ANKS1B: variants seen among roughly 807,000 people sequenced by gnomAD.
The protein encoded by ANKS1B is ankyrin repeat and sterile alpha motif domain containing 1B.
A neutral mutation model predicts 148.3 loss-of-function variants in ANKS1B; 36 were observed. The ratio of observed to expected loss-of-function variants is 0.24; its 90% CI spans 0.19 to 0.32. ANKS1B has a LOEUF of 0.32. ANKS1B is among the 10% of genes least tolerant of loss of function. ANKS1B has a pLI of 1.00. For synonymous variants in ANKS1B, 542 were observed against 560.8 expected (o/e 0.97, Z 0.47); for missense variants, 1,157 against 1,542.6 (o/e 0.75, Z 4.19).
chr12:99,381,015 G>A (rs894840014), intron 12 of ANKS1B, among the ~76,000 whole-genome samples: 2 of 152,146 alleles, frequency 1.3e-5, no homozygotes, highest in Admixed American at 1.3e-4. Flanking sequence ...CAGAGAAGAA[G>A]GCCATGAGAA....
intron 12 of ANKS1B, among the ~76,000 whole-genome samples, chr12:99,380,804 T>C (rs7132829): frequency 0.11 from 10,694 of 100,662 alleles, 472 homozygotes; most frequent in African/African-American, 0.18. Context: ...TTCCTTCCTT[T>C]CTCATGCTCC....
At chr12:99,903,111 C>T (rs907386451) in intron 1 of ANKS1B, among the ~76,000 whole-genome samples, 9 of 152,146 alleles carry the variant, frequency 5.9e-5, no homozygotes, top group African/African-American at 2.2e-4. Flanking sequence ...ATGCCTAATG[C>T]AGAGTAAACA....
chr12:98,940,935 A>G (rs979499381), intron 17 of ANKS1B, among the ~76,000 whole-genome samples: 1 of 152,224 alleles, frequency 6.6e-6, no homozygotes, highest in African/African-American at 2.4e-5. Context: ...AAAAATTGAC[A>G]TATGGTATGA....
intron 10 of ANKS1B, among the ~76,000 whole-genome samples, chr12:99,460,965 A>G (rs926089758): frequency 3.9e-5 from 6 of 152,164 alleles, no homozygotes; most frequent in Admixed American, 1.3e-4. Flanking sequence ...TAGCAGCACA[A>G]TTCACAATTG....
At chr12:99,661,204 T>A (rs571660143) in intron 8 of ANKS1B, among the ~76,000 whole-genome samples, 1 of 152,270 alleles carries the variant, frequency 6.6e-6, no homozygotes, top group East Asian at 1.9e-4. Flanking sequence ...GGAGACAAGA[T>A]AAGCGTAATC....
chr12:99,708,704 G>A (rs1308547835), intron 8 of ANKS1B, among the ~76,000 whole-genome samples: 1 of 151,862 alleles, frequency 6.6e-6, no homozygotes, highest in Non-Finnish European at 1.5e-5. Flanking sequence ...CCTCTTATAA[G>A]GACAGTTGTG....
intron 14 of ANKS1B, among the ~76,000 whole-genome samples, chr12:99,193,793 C>CTTTTTTTTTT (rs34024548): frequency 4.5e-5 from 3 of 66,800 alleles, no homozygotes; most frequent in Non-Finnish European, 7.9e-5. Context: ...ATTTCTAGTT[C>CTTTTTTTTTT]TTTTTTTTTT....
chr12:99,321,696 T>C (rs1185025794), intron 12 of ANKS1B, among the ~76,000 whole-genome samples: 4 of 152,198 alleles, frequency 2.6e-5, no homozygotes, highest in Admixed American at 6.5e-5. Flanking sequence ...CTGCACCCAC[T>C]GTCCGACAAA....
chr12:99,670,247 G>A (rs2098530487), intron 8 of ANKS1B, among the ~76,000 whole-genome samples: 1 of 151,980 alleles, frequency 6.6e-6, no homozygotes, highest in Non-Finnish European at 1.5e-5. Flanking sequence ...ACTGTTAACT[G>A]CACATTTATC....
chr12:99,235,197 T>C (rs1385563883), intron 14 of ANKS1B, among the ~76,000 whole-genome samples: 1 of 152,222 alleles, frequency 6.6e-6, no homozygotes, highest in Non-Finnish European at 1.5e-5. Flanking sequence ...GGCAGCTTTG[T>C]CCAAGTGGCA....
chr12:99,121,568 A>G lies in ANKS1B; in HGVS notation c.2526+32721T>C, dbSNP rs986074079. 1.1e-4 allele frequency among the ~76,000 whole-genome samples: 17 copies of G among 152,146 alleles called. No homozygotes were observed. In the East Asian group the frequency reaches 3.3e-3, roughly 29 times the overall value. On this transcript the variant is annotated intron_variant, in intron 15 of 26. Transcript: ENST00000683438. ...GAAGGCAAGATGTCAAGAGAAAAAAATGTGGCATATGGCCTGACCCAGTTT... is the reference window on the plus strand; with the variant it reads ...GAAGGCAAGATGTCAAGAGAAAAAAGTGTGGCATATGGCCTGACCCAGTTT...
intron 22 of ANKS1B, among the ~76,000 whole-genome samples, chr12:98,782,961 T>C (rs752820089): frequency 4.0e-5 from 6 of 151,408 alleles, no homozygotes; most frequent in Non-Finnish European, 7.3e-5. Flanking sequence ...GTGTTGATTT[T>C]AAGGCAACGC....
At chr12:99,356,840 G>C (rs1317132097) in intron 12 of ANKS1B, among the ~76,000 whole-genome samples, 1 of 151,540 alleles carries the variant, frequency 6.6e-6, no homozygotes, top group African/African-American at 2.4e-5. Context: ...GAGAATTTTG[G>C]AAATACTAAA....
At chr12:99,334,155 C>T (rs2452263) in intron 12 of ANKS1B, among the ~76,000 whole-genome samples, 104 of 144,680 alleles carry the variant, frequency 7.2e-4, no homozygotes, top group African/African-American at 2.0e-3. Flanking sequence ...GATAGATAGA[C>T]AGACAGACAG....
chr12:98,846,701 T>C (rs1347529507), intron 17 of ANKS1B, among the ~76,000 whole-genome samples: 3 of 152,250 alleles, frequency 2.0e-5, no homozygotes, highest in Non-Finnish European at 4.4e-5. Flanking sequence ...TCACATAAGC[T>C]GTGCTTTCTT....
chr12:99,145,293 C>T (rs2072643088), intron 15 of ANKS1B, among the ~76,000 whole-genome samples: 1 of 151,950 alleles, frequency 6.6e-6, no homozygotes, highest in Admixed American at 6.6e-5. Flanking sequence ...TTATATGAGG[C>T]AGTGTATGCA....
chr12:99,228,589 G>A (rs1025535102), intron 14 of ANKS1B, among the ~76,000 whole-genome samples: 1 of 151,952 alleles, frequency 6.6e-6, no homozygotes, highest in African/African-American at 2.4e-5. Context: ...ATGTGAAAGT[G>A]AAGATTGCAA....
At position 98,928,252 on chromosome 12, in the gene ANKS1B, T is replaced by C. The variant is rs564544493; in HGVS notation, c.2779-96116A>G. Among the ~76,000 whole-genome samples the C allele has an allele frequency of 1.9e-4, 28 of 150,536 alleles. 1 individual carries two copies. Among genetic ancestry groups the C allele is most frequent in the African/African-American group, 6.6e-4 (27 of 41,134 alleles). ...AACCAACTCAAGAAAAATTCAAAAA[T>C]CTTAATATAACAAGGATAGAGATTG... On this transcript the variant is annotated intron_variant, in intron 17 of 26. Coordinates refer to ENST00000683438, the MANE Select transcript of ANKS1B (RefSeq NM_001352186.2).
intron 1 of ANKS1B, among the ~76,000 whole-genome samples, chr12:99,899,039 C>T (rs2093491801): frequency 6.6e-6 from 1 of 152,134 alleles, no homozygotes; most frequent in South Asian, 2.1e-4. Flanking sequence ...AAATTAGTGG[C>T]ATTGGTGATA....
Sources: gnomAD v4.1 joint callset for allele counts (sites outside exome capture counted in the v4.1 genomes callset) on GRCh38, gnomAD v4.1.1 for gene constraint, MANE v1.5 for transcripts, NCBI Gene and HGNC (gene_info 2026-07-23, HGNC 2026-07-21) for gene names.